Variants in CYP1A2 observed in about 807,000 individuals in gnomAD.
CYP1A2 encodes the protein cytochrome P450 family 1 subfamily A member 2.
In CYP1A2, 35 loss-of-function variants were observed where a neutral mutation model predicts 34.7. That is an observed-to-expected ratio of 1.01 (90% confidence interval 0.77 to 1.34). The LOEUF is 1.34. CYP1A2 is among the 40% of genes most tolerant of loss of function. The pLI is 0.00. For synonymous variants in CYP1A2, 288 were observed against 281.9 expected (o/e 1.02, Z -0.22); for missense variants, 675 against 675.8 (o/e 1.00, Z 0.01).
chr15:74,753,248 C>T lies in CYP1A2; in HGVS notation c.1231C>T (p.Gln411Ter). 6.2e-7 allele frequency: 1 copy of T among 1,613,900 alleles called. No individual in the cohort carries two copies. Among genetic ancestry groups the T allele is most frequent in the East Asian group, 2.2e-5 (1 of 44,874 alleles). ...CAAGAAATGCTGTGTCTTCGTAAAC[C>T]AGTGGCAGGTCAACCATGACCCGTG... ...IPKKCCVFVN[Q>*]WQVNHDPELW... Residue 411 changes from glutamine to a stop codon, truncating the protein, a stop_gained, in exon 6 of 7, where the codon CAG (glutamine) becomes TAG (stop). Transcript: ENST00000343932. LOFTEE classifies it low-confidence loss of function (END_TRUNC).
Position 74,753,262 on chromosome 15 carries a change from C to T in CYP1A2, c.1245C>T (p.Asn415=). The change falls in exon 6 of 7, where the codon AAC becomes AAT. Residue 415 remains asparagine (N), a synonymous_variant. Transcript: ENST00000343932. The part of the protein sequence containing the change: ...CCVFVNQWQV[N]HDPELWEDPS... The stretch of plus-strand genomic sequence containing the variant: ...TCTTCGTAAACCAGTGGCAGGTCAA[C>T]CATGACCCGTGAGTACATACCCCTC... The T allele has an allele frequency of 6.2e-7, 1 of 1,613,684 alleles. No individual in the cohort carries two copies. Among genetic ancestry groups the T allele is most frequent in the South Asian group, 1.1e-5 (1 of 91,074 alleles).
In CYP1A2 at chr15:74,751,286, T is replaced by A. The variant is rs780002436; in HGVS notation, c.929T>A (p.Leu310His). The A allele has an allele frequency of 1.2e-6, 2 of 1,614,124 alleles. No homozygotes were observed. Among genetic ancestry groups the A allele is most frequent in the Middle Eastern group, 1.7e-4 (1 of 6,060 alleles). Residue 310 changes from leucine to histidine, a missense_variant, in exon 3 of 7, where the codon CTT (leucine) becomes CAT (histidine). Physicochemically the swap from Leu to His is moderately conservative, Grantham distance 99 (BLOSUM62 -3). Transcript: ENST00000343932. ...NLIPQEKIVNLVNDIFGAGFD... is the reference protein window; with the variant it reads ...NLIPQEKIVNHVNDIFGAGFD... The stretch of plus-strand genomic sequence containing the variant: ...ATCCCACAGGAGAAGATTGTCAACC[T>A]TGTCAATGACATCTTTGGAGCAGGT...
Position 74,751,165 on chromosome 15 carries a change from G to A in CYP1A2, c.832-24G>A, listed in dbSNP as rs559714610. Reference sequence around the variant, plus strand: ...CTTTGACCTTGGAAGTGCCAGAGGTGCCCCTAAGCTTGTGCCCCCTCAGAA... The same window carrying A: ...CTTTGACCTTGGAAGTGCCAGAGGTACCCCTAAGCTTGTGCCCCCTCAGAA... On this transcript the variant is annotated intron_variant, in intron 2 of 6. Transcript: ENST00000343932. 218 of 1,612,976 alleles carry A rather than the reference G, an allele frequency of 1.4e-4. 1 individual carries two copies. In the South Asian group the frequency reaches 2.2e-3, roughly 16 times the overall value.
intron 4 of CYP1A2, 47 bp from the exon 5 acceptor site, chr15:74,752,077 G>A (rs1485147281): frequency 6.2e-7 from 1 of 1,609,378 alleles, no homozygotes; most frequent in South Asian, 1.1e-5. Flanking sequence ...AATTCATGGG[G>A]CAGTTAGGGC....
At position 74,752,206 on chromosome 15, in the gene CYP1A2, C is replaced by A; in HGVS notation, c.1125C>A (p.Thr375=). ...ACTTGGAGGCCTTCATCCTGGAGAC[C>A]TTCCGACACTCCTCCTTCTTGCCCT... ...LPYLEAFILE[T]FRHSSFLPFT... Residue 375 remains threonine (T), a synonymous_variant, in exon 5 of 7, where the codon ACC becomes ACA. Transcript: ENST00000343932. The A allele has an allele frequency of 1.2e-6, 2 of 1,614,070 alleles. No individual in the cohort carries two copies. Among genetic ancestry groups the A allele is most frequent in the Non-Finnish European group, 1.7e-6 (2 of 1,179,980 alleles).
intron 6 of CYP1A2, among the ~76,000 whole-genome samples, chr15:74,753,536 G>A (rs1284019953): frequency 6.6e-6 from 1 of 152,086 alleles, no homozygotes; most frequent in Middle Eastern, 3.2e-3. Flanking sequence ...TTTGAGACCA[G>A]CCTGGGCAAC....
intron 3 of CYP1A2, 111 bp from the exon 4 acceptor site, chr15:74,751,654 G>A (rs2063315993): frequency 1.8e-6 from 2 of 1,120,220 alleles, no homozygotes; most frequent in Non-Finnish European, 2.6e-6. Context: ...AAACTCACAG[G>A]CTAGGGCCAG....
At position 74,750,267 on chromosome 15, in the gene CYP1A2, C is replaced by A. The variant is rs998884543; in HGVS notation, c.529C>A (p.Gln177Lys). ...GGCTAAGGCCCTGATCAGCAGGTTG[C>A]AGGAGCTGATGGCAGGGCCTGGGCA... Reference protein sequence around the residue: ...KEAKALISRLQELMAGPGHFD... With the variant: ...KEAKALISRLKELMAGPGHFD... The change falls in exon 2 of 7, where the codon CAG becomes AAG. Residue 177 changes from glutamine (Q) to lysine (K), a missense_variant. Transcript: ENST00000343932. The A allele has an allele frequency of 6.2e-7, 1 of 1,614,120 alleles. No individual in the cohort carries two copies. Among genetic ancestry groups the A allele is most frequent in the African/African-American group, 1.3e-5 (1 of 74,936 alleles).
chr15:74,754,138 A>G (rs563940169), intron 6 of CYP1A2, among the ~76,000 whole-genome samples: 3 of 152,270 alleles, frequency 2.0e-5, no homozygotes, highest in Admixed American at 2.0e-4. Flanking sequence ...TCCTGGGTTC[A>G]AGGGATCTTC....
In CYP1A2 at chr15:74,751,838, G is replaced by A. The variant is rs1567205948; in HGVS notation, c.1026G>A (p.Lys342=). 1 of 1,614,116 alleles carries A rather than the reference G, an allele frequency of 6.2e-7. No homozygotes were observed. ...TGACCAAGCCTGAGATACAGAGGAA[G>A]ATCCAGAAGGAGCTGGGTACATGGG... ...YLVTKPEIQR[K]IQKELDTVIG... is the part of the protein sequence containing the mutation. Residue 342 remains lysine, a synonymous_variant, in exon 4 of 7, where the codon AAG becomes AAA. Transcript: ENST00000343932.
chr15:74,749,866 C>T lies in CYP1A2; in HGVS notation c.128C>T (p.Pro43Leu). 21 of 1,608,060 alleles carry T rather than the reference C, an allele frequency of 1.3e-5. No individual in the cohort carries two copies. The highest frequency in any genetic ancestry group is 1.5e-5 in the Non-Finnish European group (18 of 1,175,394). ...PRVPKGLKSP[P>L]EPWGWPLLGH... ...GTCCCCAAAGGCCTGAAAAGTCCACCAGAGCCATGGGGCTGGCCCTTGCTC... is the reference window on the plus strand; with the variant it reads ...GTCCCCAAAGGCCTGAAAAGTCCACTAGAGCCATGGGGCTGGCCCTTGCTC... Residue 43 changes from proline (P) to leucine (L), a missense_variant, in exon 2 of 7, where the codon CCA becomes CTA. By Grantham distance (98) the Pro-to-Leu change is moderately conservative (BLOSUM62 -3). Transcript: ENST00000343932.
chr15:74,753,733 CAAA>C (rs34240703), intron 6 of CYP1A2, among the ~76,000 whole-genome samples: 24 of 129,336 alleles, frequency 1.9e-4, no homozygotes, highest in Non-Finnish European at 2.1e-4. Context: ...GACTCTGCCT[CAAA>C]AAAAAAAAAA....
Position 74,750,406 on chromosome 15 carries a change from C to T in CYP1A2, c.668C>T (p.Thr223Ile). 2 of 1,614,068 alleles carry T rather than the reference C, an allele frequency of 1.2e-6. No homozygotes were observed. Among genetic ancestry groups the T allele is most frequent in the Non-Finnish European group, 1.7e-6 (2 of 1,180,056 alleles). Reference protein sequence around the residue: ...SDEMLSLVKNTHEFVETASSG... With the variant: ...SDEMLSLVKNIHEFVETASSG... The stretch of plus-strand genomic sequence containing the variant: ...GAGATGCTCAGCCTCGTGAAGAACA[C>T]TCATGAGTTCGTGGAGACTGCCTCC... Residue 223 changes from threonine (T) to isoleucine (I), a missense_variant, in exon 2 of 7, where the codon ACT becomes ATT. Thr to Ile is a moderately conservative substitution (Grantham distance 89). Transcript: ENST00000343932.
intron 6 of CYP1A2, 114 bp from the exon 7 acceptor site, chr15:74,754,677 T>TTGCTTTCAAAGTGCCCTCACACTTGTG: frequency 1.0e-6 from 1 of 977,858 alleles, no homozygotes; most frequent in Non-Finnish European, 1.5e-6. Context: ...CTACCCTTCA[T>TTGCTTTCAAAGTGCCCTCACACTTGTG]TGCTTTCAAA....
At position 74,754,811 on chromosome 15, in the gene CYP1A2, C is replaced by A; in HGVS notation, c.1274C>A (p.Ser425Tyr). ...TGCAGAGAGCTGTGGGAGGACCCCT[C>A]TGAGTTCCGGCCTGAGCGGTTCCTC... is the stretch of plus-strand genomic sequence containing the variant. ...NHDPELWEDP[S>Y]EFRPERFLTA... The change falls in exon 7 of 7, where the codon TCT (serine) becomes TAT (tyrosine). Residue 425 changes from serine (S) to tyrosine (Y), a missense_variant. Ser to Tyr is a moderately radical substitution (Grantham distance 144). Transcript: ENST00000343932. 6.2e-7 allele frequency: 1 copy of A among 1,612,936 alleles called. No individual in the cohort carries two copies. The highest frequency in any genetic ancestry group is 8.5e-7 in the Non-Finnish European group (1 of 1,178,924).
chr15:74,753,677 T>A (rs1427592659), intron 6 of CYP1A2, among the ~76,000 whole-genome samples: 2 of 149,658 alleles, frequency 1.3e-5, no homozygotes, highest in Non-Finnish European at 2.9e-5. Context: ...GAGGCTGCAG[T>A]GAGCCGAGAT....
chr15:74,752,199 T>G lies in CYP1A2; in HGVS notation c.1118T>G (p.Leu373Arg). Reference sequence around the variant, plus strand: ...CTGCCCTACTTGGAGGCCTTCATCCTGGAGACCTTCCGACACTCCTCCTTC... The same window carrying G: ...CTGCCCTACTTGGAGGCCTTCATCCGGGAGACCTTCCGACACTCCTCCTTC... The part of the protein sequence containing the change: ...PQLPYLEAFI[L>R]ETFRHSSFLP... The change falls in exon 5 of 7, where the codon CTG (leucine) becomes CGG (arginine). Residue 373 changes from leucine (L) to arginine (R), a missense_variant. Coordinates refer to ENST00000343932, the MANE Select transcript of CYP1A2 (RefSeq NM_000761.5). 6.2e-7 allele frequency: 1 copy of G among 1,614,052 alleles called. No individual in the cohort carries two copies. The highest frequency in any genetic ancestry group is 1.1e-5 in the South Asian group (1 of 91,090).
chr15:74,749,757 G>T lies in CYP1A2; in HGVS notation c.19G>T (p.Val7Phe). The T allele has an allele frequency of 6.5e-7, 1 of 1,541,960 alleles. No individual in the cohort carries two copies. Among genetic ancestry groups the T allele is most frequent in the Non-Finnish European group, 8.8e-7 (1 of 1,141,556 alleles). The change falls in exon 2 of 7, where the codon GTT becomes TTT. Residue 7 changes from valine (V) to phenylalanine (F), a missense_variant. Val to Phe is a conservative substitution (Grantham distance 50). Coordinates refer to ENST00000343932, the MANE Select transcript of CYP1A2 (RefSeq NM_000761.5). MALSQS[V>F]PFSATELLLA... ...GGTACAGATGGCATTGTCCCAGTCTGTTCCCTTCTCGGCCACAGAGCTTCT... is the reference window on the plus strand; with the variant it reads ...GGTACAGATGGCATTGTCCCAGTCTTTTCCCTTCTCGGCCACAGAGCTTCT...
Position 74,756,109 on chromosome 15 carries a change from C to T in CYP1A2, c.*1021C>T, listed in dbSNP as rs1329520963. On this transcript the variant is annotated 3_prime_UTR_variant, in exon 7 of 7. Transcript: ENST00000343932. ...GGATTAACAGGTATGAACCACCGCGCCCAGCCTTTTTGTTTTTTTTTTTTT... is the reference window on the plus strand; with the variant it reads ...GGATTAACAGGTATGAACCACCGCGTCCAGCCTTTTTGTTTTTTTTTTTTT... 2 of 142,886 alleles carry T rather than the reference C, an allele frequency of 1.4e-5. No homozygotes were observed. The highest frequency in any genetic ancestry group is 3.1e-5 in the Non-Finnish European group (2 of 63,854). The allele number at this position is 142,886 out of a possible 1,614,324, so 8.9% of individuals were successfully genotyped here.
Sources: allele counts gnomAD v4.1 joint callset (sites outside exome capture counted in the v4.1 genomes callset), GRCh38; gene constraint gnomAD v4.1.1; transcripts MANE v1.5; gene names NCBI Gene and HGNC (gene_info 2026-07-23, HGNC 2026-07-21).